KDM4C: variants seen among roughly 807,000 people sequenced by gnomAD.
KDM4C encodes the protein lysine demethylase 4C.
Under a neutral mutation model 129.3 loss-of-function variants are expected in KDM4C, and 81 were observed. The observed-to-expected ratio is 0.63, with a 90% CI of 0.52 to 0.75. The LOEUF (loss-of-function observed/expected upper bound fraction) is 0.75. Ranked by LOEUF, KDM4C falls within the 30% of genes least tolerant of loss-of-function variation. KDM4C has a pLI of 0.00. For synonymous variants in KDM4C, 573 were observed against 456.1 expected (o/e 1.26, Z -3.26); for missense variants, 1,457 against 1,304.0 (o/e 1.12, Z -1.81).
At chr9:6,956,009 A>G (rs1304172007) in intron 8 of KDM4C, among the ~76,000 whole-genome samples, 1 of 152,218 alleles carries the variant, frequency 6.6e-6, no homozygotes, top group Non-Finnish European at 1.5e-5. Flanking sequence ...CAGAAACTGC[A>G]GTGTGCACAT....
At chr9:6,807,297 C>T (rs1830180360) in intron 3 of KDM4C, among the ~76,000 whole-genome samples, 1 of 151,482 alleles carries the variant, frequency 6.6e-6, no homozygotes, top group Non-Finnish European at 1.5e-5. Context: ...CTCTGCCCAG[C>T]CGCCAACCCG....
intron 1 of KDM4C, among the ~76,000 whole-genome samples, chr9:6,725,705 TCTTTTC>T (rs1256451301): frequency 9.5e-5 from 13 of 136,654 alleles, no homozygotes; most frequent in African/African-American, 2.2e-4. Context: ...TCTTTTCTTT[TCTTTTC>T]TTTTTTTTTT....
chr9:6,781,615 C>T (rs868512664), intron 1 of KDM4C, among the ~76,000 whole-genome samples: 18 of 152,020 alleles, frequency 1.2e-4, no homozygotes, highest in African/African-American at 4.3e-4. Flanking sequence ...CACCAACAGA[C>T]AGTGTAAAAG....
At chr9:7,133,621 T>C (rs951781336) in intron 19 of KDM4C, among the ~76,000 whole-genome samples, 1 of 152,182 alleles carries the variant, frequency 6.6e-6, no homozygotes, top group Non-Finnish European at 1.5e-5. Flanking sequence ...TTCCATTGCT[T>C]ATTGCCTTAG....
chr9:6,995,492 A>G (rs1282859320), intron 12 of KDM4C, among the ~76,000 whole-genome samples: 1 of 152,206 alleles, frequency 6.6e-6, no homozygotes, highest in Admixed American at 6.5e-5. Flanking sequence ...AATTCACTGA[A>G]ACATTATGCA....
intron 8 of KDM4C, among the ~76,000 whole-genome samples, chr9:6,968,785 TG>T (rs1831444089): frequency 6.6e-6 from 1 of 152,230 alleles, no homozygotes; most frequent in Non-Finnish European, 1.5e-5. Flanking sequence ...GTCATATTTT[TG>T]ACATTTTATT....
intron 8 of KDM4C, among the ~76,000 whole-genome samples, chr9:6,924,273 T>A (rs1273325075): frequency 6.6e-6 from 1 of 152,228 alleles, no homozygotes; most frequent in Non-Finnish European, 1.5e-5. Context: ...TGAACAGTGT[T>A]TGTGCTTGTT....
At chr9:6,756,576 G>C (rs993313097), upstream of KDM4C, among the ~76,000 whole-genome samples, 1 of 152,216 alleles carries the variant, frequency 6.6e-6, no homozygotes, top group African/African-American at 2.4e-5. Context: ...AATTAGCTGG[G>C]CGTGGTGGCG....
At chr9:6,821,391 T>C (rs370550308) in intron 4 of KDM4C, among the ~76,000 whole-genome samples, 5 of 152,330 alleles carry the variant, frequency 3.3e-5, no homozygotes, top group African/African-American at 1.2e-4. Flanking sequence ...TGTTGTTTCC[T>C]GACTTTTTAA....
Position 7,013,766 on chromosome 9 carries a change from G to A in KDM4C, c.1969-22G>A, listed in dbSNP as rs770222549. ...GCTCTTTTCCATGTTTTTCACTCAT[G>A]TGGAAACGTTATGTTTTTCAGCCAG... On this transcript the variant is annotated intron_variant, in intron 13 of 21. Coordinates refer to ENST00000381309, the MANE Select transcript of KDM4C (RefSeq NM_015061.6). 5 of 1,609,918 alleles carry A rather than the reference G, an allele frequency of 3.1e-6. No homozygotes were observed. In the African/African-American group the frequency reaches 6.7e-5, roughly 22 times the overall value.
intron 17 of KDM4C, among the ~76,000 whole-genome samples, chr9:7,085,857 T>A (rs1480877572): frequency 1.3e-5 from 2 of 149,694 alleles, no homozygotes; most frequent in East Asian, 3.9e-4. Flanking sequence ...TATTTTTCAT[T>A]AAAAAAAAAA....
At chr9:6,941,543 A>G (rs772277899) in intron 8 of KDM4C, 1 of 152,216 alleles carries the variant, frequency 6.6e-6, no homozygotes, top group African/African-American at 2.4e-5. Flanking sequence ...ATTACATTTC[A>G]GGGCCAATGA....
intron 15 of KDM4C, among the ~76,000 whole-genome samples, chr9:7,041,834 C>T (rs1261913642): frequency 6.6e-6 from 1 of 151,998 alleles, no homozygotes; most frequent in Admixed American, 6.6e-5. Flanking sequence ...TGAAGATCTG[C>T]CTGCCTTTCA....
intron 1 of KDM4C, among the ~76,000 whole-genome samples, chr9:6,771,840 A>G (rs759807275): frequency 5.9e-5 from 9 of 151,892 alleles, no homozygotes; most frequent in Non-Finnish European, 1.0e-4. Context: ...GAGGGCCTCA[A>G]TGGGTGACCT....
chr9:6,901,081 T>G (rs549363283), intron 8 of KDM4C, among the ~76,000 whole-genome samples: 1 of 152,290 alleles, frequency 6.6e-6, no homozygotes, highest in African/African-American at 2.4e-5. Flanking sequence ...ACATGGTGAC[T>G]GCAGAAGAAG....
At chr9:7,102,358 A>G (rs570985399) in intron 17 of KDM4C, among the ~76,000 whole-genome samples, 1 of 145,692 alleles carries the variant, frequency 6.9e-6, no homozygotes, top group South Asian at 2.2e-4. Flanking sequence ...ATAAAGAGAA[A>G]CCTTTAATTA....
chr9:7,000,917 G>C (rs1395031497), intron 12 of KDM4C, among the ~76,000 whole-genome samples: 1 of 152,168 alleles, frequency 6.6e-6, no homozygotes, highest in Non-Finnish European at 1.5e-5. Context: ...ATATTGTGGT[G>C]ACTTTATGTC....
chr9:7,039,160 G>C (rs980198867), intron 15 of KDM4C, among the ~76,000 whole-genome samples: 6 of 151,784 alleles, frequency 4.0e-5, no homozygotes, highest in African/African-American at 1.5e-4. Flanking sequence ...CTGTTTTTAA[G>C]TTTAGGTCTG....
At chr9:6,796,372 G>T (rs1327428427) in intron 2 of KDM4C, among the ~76,000 whole-genome samples, 2 of 152,178 alleles carry the variant, frequency 1.3e-5, no homozygotes, top group East Asian at 1.9e-4. Flanking sequence ...TTGAACCCGG[G>T]AGGTGGAGGG....
Sources: gnomAD v4.1 joint callset for allele counts (sites outside exome capture counted in the v4.1 genomes callset) on GRCh38, gnomAD v4.1.1 for gene constraint, MANE v1.5 for transcripts, NCBI Gene and HGNC (gene_info 2026-07-23, HGNC 2026-07-21) for gene names.